Variants in ACYP2 observed in about 807,000 individuals in gnomAD.
ACYP2 encodes the protein acylphosphatase-2.
ACYP2 carries 12 observed loss-of-function variants against 11.2 expected under a neutral mutation model. The observed-to-expected ratio is 1.08, with a 90% CI of 0.69 to 1.74. The LOEUF (loss-of-function observed/expected upper bound fraction) is 1.74. Ranked by LOEUF, ACYP2 falls within the 40% of genes most tolerant of loss-of-function variation. The pLI is 0.00. For missense variants in ACYP2, 134 were observed against 101.9 expected (o/e 1.31, Z -1.35); for synonymous variants, 43 against 32.2 (o/e 1.33, Z -1.13).
At chr2:54,183,900 G>A (rs1446291822) in intron 6 of ACYP2, among the ~76,000 whole-genome samples, 1 of 151,948 alleles carries the variant, frequency 6.6e-6, no homozygotes, top group South Asian at 2.1e-4. Flanking sequence ...TAAAGAATTG[G>A]TATCACACTT....
chr2:54,038,712 T>C (rs1278336527), intron 2 of ACYP2, among the ~76,000 whole-genome samples: 8 of 105,984 alleles, frequency 7.5e-5, no homozygotes, highest in Non-Finnish European at 3.9e-5. Flanking sequence ...TATATATATA[T>C]ACTCTTCTAA....
chr2:54,009,374 C>G (rs372895211), intron 2 of ACYP2, among the ~76,000 whole-genome samples: 2 of 151,882 alleles, frequency 1.3e-5, no homozygotes, highest in African/African-American at 4.8e-5. Context: ...GCCTGGCCAA[C>G]ATGATGAAAC....
At chr2:54,190,902 A>ATGAG (rs2103886539) in intron 6 of ACYP2, among the ~76,000 whole-genome samples, 1 of 152,288 alleles carries the variant, frequency 6.6e-6, no homozygotes, top group African/African-American at 2.4e-5. Context: ...AAATGCCTAT[A>ATGAG]TGAGCAAAAG....
chr2:54,194,411 T>G (rs1037684629), intron 6 of ACYP2, among the ~76,000 whole-genome samples: 2 of 152,160 alleles, frequency 1.3e-5, no homozygotes, highest in Non-Finnish European at 2.9e-5. Context: ...AAAACATCAA[T>G]ATTTGGAAGT....
chr2:54,252,208 AT>A (rs2104011685), intron 6 of ACYP2, among the ~76,000 whole-genome samples: 1 of 152,294 alleles, frequency 6.6e-6, no homozygotes, highest in South Asian at 2.1e-4. Context: ...CCAACAACAT[AT>A]TTGTGAGATT....
chr2:54,092,489 G>T (rs973204563), intron 4 of ACYP2, among the ~76,000 whole-genome samples: 2 of 152,068 alleles, frequency 1.3e-5, no homozygotes, highest in African/African-American at 2.4e-5. Context: ...GGTGACAAAG[G>T]GCTAAGATTT....
At chr2:53,976,468 A>C (rs1558447210) in intron 2 of ACYP2, among the ~76,000 whole-genome samples, 2 of 152,158 alleles carry the variant, frequency 1.3e-5, no homozygotes, top group Non-Finnish European at 2.9e-5. Flanking sequence ...CAGCCTCCCA[A>C]AGTGCTGGGA....
At chr2:54,038,800 TAAA>T (rs372376830) in intron 2 of ACYP2, among the ~76,000 whole-genome samples, 2 of 104,418 alleles carry the variant, frequency 1.9e-5, no homozygotes, top group African/African-American at 3.8e-5. Context: ...TCAGAATAGG[TAAA>T]AAAAAAAAAA....
intron 4 of ACYP2, among the ~76,000 whole-genome samples, chr2:54,132,008 G>A (rs1419891752): frequency 6.6e-6 from 1 of 152,154 alleles, no homozygotes; most frequent in Non-Finnish European, 1.5e-5. Context: ...TCTGTTTACT[G>A]CCATTGCAAG....
At chr2:54,102,447 C>G (rs955162847) in intron 4 of ACYP2, among the ~76,000 whole-genome samples, 4 of 151,874 alleles carry the variant, frequency 2.6e-5, no homozygotes, top group Non-Finnish European at 5.9e-5. Context: ...AGTGCTATCC[C>G]TCATTCCTCT....
intron 6 of ACYP2, among the ~76,000 whole-genome samples, chr2:54,281,539 A>G (rs551499489): frequency 1.3e-5 from 2 of 152,336 alleles, no homozygotes; most frequent in South Asian, 4.1e-4. Context: ...CCTTAGAATT[A>G]TAGTAGCAAA....
At chr2:54,127,574 A>C (rs1459514989) in intron 4 of ACYP2, among the ~76,000 whole-genome samples, 3 of 151,932 alleles carry the variant, frequency 2.0e-5, no homozygotes, top group Non-Finnish European at 2.9e-5. Flanking sequence ...TACTAAAAAC[A>C]CAAAAATTAC....
chr2:54,262,571 A>G (rs1281330695), intron 6 of ACYP2, among the ~76,000 whole-genome samples: 1 of 152,198 alleles, frequency 6.6e-6, no homozygotes, highest in Non-Finnish European at 1.5e-5. Context: ...CATCATTACC[A>G]TAAGAGTATT....
chr2:53,993,563 G>A (rs1257055830), intron 2 of ACYP2, among the ~76,000 whole-genome samples: 1 of 151,954 alleles, frequency 6.6e-6, no homozygotes, highest in Non-Finnish European at 1.5e-5. Flanking sequence ...TGGGTGTGGT[G>A]GTGGGCATCT....
rs148610834 is a variant in ACYP2, at chr2:54,195,473, G to A, written c.404+56725G>A. On this transcript the variant is annotated intron_variant, in intron 6 of 6. Transcript: ENST00000607452. ...AAAGAGAGGGTGGTTTTTCTCTTAC[G>A]TAAGAGAAGTACAGAGATACACAGT... 3.5e-3 allele frequency among the ~76,000 whole-genome samples: 528 copies of A among 152,010 alleles called. 2 individuals are homozygous for A. The highest frequency in any genetic ancestry group is 0.012 in the African/African-American group (488 of 41,506).
intron 4 of ACYP2, among the ~76,000 whole-genome samples, chr2:54,087,928 A>G (rs1178147242): frequency 6.6e-6 from 1 of 152,246 alleles, no homozygotes; most frequent in Non-Finnish European, 1.5e-5. Context: ...TGGCAGGGGA[A>G]GAAGAGCAGT....
intron 4 of ACYP2, 151 bp from the exon 2 acceptor site, chr2:54,135,302 G>C: frequency 1.5e-6 from 1 of 653,556 alleles, no homozygotes; most frequent in Non-Finnish European, 2.6e-6. Context: ...ATTTAATATT[G>C]TAGGACCACA....
At position 54,267,373 on chromosome 2, in the gene ACYP2, G is replaced by A. The variant is rs773587400; in HGVS notation, c.405-37315G>A. On this transcript the variant is annotated intron_variant, in intron 6 of 6. Transcript: ENST00000607452. ...AGCTAGAGGAGAATTCAGGTGAGAG[G>A]TTTCTACTTTCAAATGAGAAGGGCT... The A allele has an allele frequency of 1.8e-5, 28 of 1,540,522 alleles. No homozygotes were observed. In the South Asian group the frequency reaches 3.4e-4, roughly 19 times the overall value.
intron 6 of ACYP2, among the ~76,000 whole-genome samples, chr2:54,268,115 C>G (rs991132933): frequency 6.6e-6 from 1 of 152,194 alleles, no homozygotes; most frequent in Non-Finnish European, 1.5e-5. Flanking sequence ...TGCTTTGAAC[C>G]TGAACCACAA....
Sources: gnomAD v4.1 joint callset for allele counts (sites outside exome capture counted in the v4.1 genomes callset) on GRCh38, gnomAD v4.1.1 for gene constraint, MANE v1.5 for transcripts, NCBI Gene and HGNC (gene_info 2026-07-23, HGNC 2026-07-21) for gene names.